Variants in DPP6 observed in about 807,000 individuals in gnomAD.
The protein encoded by DPP6 is A-type potassium channel modulatory protein DPP6.
In DPP6, 69 loss-of-function variants were observed where a neutral mutation model predicts 122.6. That is an observed-to-expected ratio of 0.56 (90% CI 0.46 to 0.69). The LOEUF (loss-of-function observed/expected upper bound fraction) is 0.69, where lower values mean the gene tolerates loss of function less well. Among genes scored for constraint, DPP6 ranks in the 30% least tolerant of loss-of-function variants. DPP6 has a pLI of 0.00. For missense variants in DPP6, 928 were observed against 1,116.9 expected (o/e 0.83, Z 2.41); for synonymous variants, 418 against 433.1 (o/e 0.97, Z 0.43).
At chr7:154,427,419 T>C (rs1357477397) in intron 1 of DPP6, among the ~76,000 whole-genome samples, 2 of 152,234 alleles carry the variant, frequency 1.3e-5, no homozygotes, top group African/African-American at 4.8e-5. Flanking sequence ...AGAAATGAAG[T>C]CACATTCAGT....
intron 1 of DPP6, among the ~76,000 whole-genome samples, chr7:154,028,123 T>C (rs1799038064): frequency 6.6e-6 from 1 of 151,926 alleles, no homozygotes; most frequent in Admixed American, 6.6e-5. Flanking sequence ...CGCATGGCTG[T>C]GGAGCCGGGA....
intron 1 of DPP6, among the ~76,000 whole-genome samples, chr7:154,020,983 G>C (rs904549934): frequency 3.9e-5 from 6 of 152,242 alleles, no homozygotes; most frequent in African/African-American, 1.4e-4. Context: ...AGGAAGCTGT[G>C]GTCCACATGG....
intron 1 of DPP6, among the ~76,000 whole-genome samples, chr7:154,196,818 CA>C (rs1798892593): frequency 6.6e-6 from 1 of 152,128 alleles, no homozygotes; most frequent in Admixed American, 6.5e-5. Context: ...CATCCTCTAA[CA>C]GAAGCTGGCC....
intron 1 of DPP6, among the ~76,000 whole-genome samples, chr7:154,431,068 G>C (rs1818321838): frequency 6.6e-6 from 1 of 152,174 alleles, no homozygotes; most frequent in South Asian, 2.1e-4. Flanking sequence ...GTTGTGTTCA[G>C]ATGAGAGACA....
intron 1 of DPP6, among the ~76,000 whole-genome samples, chr7:154,098,292 C>G (rs779785558): frequency 6.6e-6 from 1 of 152,172 alleles, no homozygotes; most frequent in Non-Finnish European, 1.5e-5. Context: ...TCCCCTTCTG[C>G]CATGATTGTA....
At chr7:153,768,080 C>A in the DPP6 span, among the ~76,000 whole-genome samples, 1 of 151,486 alleles carries the variant, frequency 6.6e-6, no homozygotes, top group Non-Finnish European at 1.5e-5. Flanking sequence ...GAATTCTCAT[C>A]CCCAGAGGGA....
intron 1 of DPP6, among the ~76,000 whole-genome samples, chr7:153,956,650 G>A (rs976078248): frequency 6.6e-6 from 1 of 152,140 alleles, no homozygotes; most frequent in Non-Finnish European, 1.5e-5. Flanking sequence ...GTCTTCAGCT[G>A]CTAAGAGGAC....
chr7:154,334,811 G>A lies in DPP6; in HGVS notation c.244-111403G>A, dbSNP rs555497214. On this transcript the variant is annotated intron_variant, in intron 1 of 25. Coordinates refer to ENST00000377770, the MANE Select transcript of DPP6 (RefSeq NM_130797.4). Reference sequence around the variant, plus strand: ...CTCAGGAGGCTGAGGTGGGCGAATCGCTTGAAGCTGGTAGGCAGAGGTTAC... The same window carrying A: ...CTCAGGAGGCTGAGGTGGGCGAATCACTTGAAGCTGGTAGGCAGAGGTTAC... Among the ~76,000 whole-genome samples, 4 of 152,248 alleles carry A rather than the reference G, an allele frequency of 2.6e-5. No individual in the cohort carries two copies. In the South Asian group the frequency reaches 6.2e-4, roughly 24 times the overall value.
At chr7:154,756,372 C>A (rs1228662131) in intron 8 of DPP6, among the ~76,000 whole-genome samples, 1 of 151,920 alleles carries the variant, frequency 6.6e-6, no homozygotes, top group East Asian at 2.0e-4. Context: ...GGCTGGCATG[C>A]AGCCCCATGG....
chr7:154,034,416 C>T (rs561304443), intron 1 of DPP6, among the ~76,000 whole-genome samples: 90 of 152,248 alleles, frequency 5.9e-4, no homozygotes, highest in Middle Eastern at 3.4e-3. Context: ...GTGGATCCTT[C>T]CCATGCCTTT....
At chr7:154,831,150 A>G (rs1800599327) in intron 16 of DPP6, among the ~76,000 whole-genome samples, 1 of 152,202 alleles carries the variant, frequency 6.6e-6, no homozygotes, top group African/African-American at 2.4e-5. Flanking sequence ...ATCTGGAAAG[A>G]CAAAGAGACC....
intron 6 of DPP6, among the ~76,000 whole-genome samples, chr7:154,660,978 G>C (rs1837630643): frequency 8.5e-6 from 1 of 117,820 alleles, no homozygotes; most frequent in Non-Finnish European, 1.7e-5. Flanking sequence ...ATTGGCGCTA[G>C]TATTCATATA....
intron 1 of DPP6, among the ~76,000 whole-genome samples, chr7:153,898,297 T>G (rs1799493769): frequency 6.6e-6 from 1 of 151,786 alleles, no homozygotes. Context: ...TAAAAAAAAT[T>G]TAAAATATGC....
intron 1 of DPP6, among the ~76,000 whole-genome samples, chr7:154,269,205 C>T (rs576789928): frequency 3.3e-5 from 5 of 152,046 alleles, no homozygotes; most frequent in East Asian, 3.9e-4. Flanking sequence ...ATGGGGAAAC[C>T]GAAGATCAAA....
intron 8 of DPP6, among the ~76,000 whole-genome samples, chr7:154,740,919 C>T (rs1842789878): frequency 1.3e-5 from 2 of 152,154 alleles, no homozygotes; most frequent in Admixed American, 1.3e-4. Context: ...TCCTTTACTC[C>T]CCATTTTTTT....
chr7:154,488,926 C>A (rs1260577912), intron 3 of DPP6, among the ~76,000 whole-genome samples: 2 of 152,210 alleles, frequency 1.3e-5, no homozygotes, highest in Non-Finnish European at 2.9e-5. Context: ...ACCAGCACTG[C>A]ATCTTCTCTG....
At chr7:154,880,020 AATTAT>A (rs1331539475) in intron 20 of DPP6, among the ~76,000 whole-genome samples, 6 of 152,250 alleles carry the variant, frequency 3.9e-5, no homozygotes, top group African/African-American at 1.4e-4. Context: ...TGAGAAAAGA[AATTAT>A]ATTTTCTCCT....
intron 1 of DPP6, among the ~76,000 whole-genome samples, chr7:154,023,018 C>T (rs1454352232): frequency 6.6e-6 from 1 of 152,116 alleles, no homozygotes; most frequent in Non-Finnish European, 1.5e-5. Flanking sequence ...CTTCTACAGC[C>T]TGAGGTACCC....
intron 10 of DPP6, among the ~76,000 whole-genome samples, chr7:154,786,771 T>G (rs1316163445): frequency 6.6e-6 from 1 of 152,250 alleles, no homozygotes; most frequent in Non-Finnish European, 1.5e-5. Flanking sequence ...TTTTGAATTT[T>G]GAAATAATAT....
Sources: gnomAD v4.1 joint callset for allele counts (sites outside exome capture counted in the v4.1 genomes callset) on GRCh38, gnomAD v4.1.1 for gene constraint, MANE v1.5 for transcripts, NCBI Gene and HGNC (gene_info 2026-07-23, HGNC 2026-07-21) for gene names.